GABRA3: variants seen among roughly 807,000 people sequenced by gnomAD.
GABRA3 encodes gamma-aminobutyric acid type A receptor subunit alpha3, also known as gamma-aminobutyric acid receptor subunit alpha-3.
A neutral mutation model predicts 30.1 loss-of-function variants in GABRA3; 10 were observed. The observed-to-expected ratio is 0.33, with a 90% CI of 0.20 to 0.56. GABRA3 has a LOEUF of 0.56. Ranked by LOEUF, GABRA3 falls within the 20% of genes least tolerant of loss-of-function variation. The pLI, the probability that GABRA3 is intolerant of heterozygous loss-of-function variation, is 0.89. For missense variants in GABRA3, 233 were observed against 392.0 expected (o/e 0.59, Z 3.42); for synonymous variants, 151 against 146.8 (o/e 1.03, Z -0.21).
intron 9 of GABRA3, among the ~76,000 whole-genome samples, chrX:152,180,088 T>A (rs943620757): frequency 9.0e-6 from 1 of 111,577 alleles, no homozygotes; most frequent in Non-Finnish European, 1.9e-5. Context: ...AGTAGTGGGG[T>A]CGATCAACCA....
At chrX:152,286,007 A>G (rs1939286174) in intron 3 of GABRA3, among the ~76,000 whole-genome samples, 2 of 106,039 alleles carry the variant, frequency 1.9e-5, no homozygotes, top group Admixed American at 2.1e-4. Context: ...AGACAAAAAC[A>G]TCCAGAACAG....
At chrX:152,305,052 C>CTTA (rs1473816532) in intron 3 of GABRA3, among the ~76,000 whole-genome samples, 1 of 110,986 alleles carries the variant, frequency 9.0e-6, no homozygotes, top group African/African-American at 3.3e-5. Context: ...TTTATTTTTT[C>CTTA]TTATTTTCTT....
At chrX:152,433,013 G>A (rs1031961134) in intron 1 of GABRA3, among the ~76,000 whole-genome samples, 2 of 110,695 alleles carry the variant, frequency 1.8e-5, no homozygotes, top group African/African-American at 6.5e-5. Context: ...TTTTAAAATA[G>A]ATTAACATAT....
Position 152,229,675 on chromosome X carries a change from T to C in GABRA3, c.552-4830A>G, listed in dbSNP as rs187463977. On this transcript the variant is annotated intron_variant, in intron 5 of 9. Transcript: ENST00000370314. ...TTGTAGAGATCAAGGGGAAGAGTAA[T>C]AGAAGATGAGTTCAAAGAGGAAGCT... Among the ~76,000 whole-genome samples, 99 of 109,779 alleles carry C rather than the reference T, an allele frequency of 9.0e-4. 1 individual carries two copies. In the East Asian group the frequency reaches 0.026, roughly 29 times the overall value.
At chrX:152,428,726 A>G (rs1383651559) in intron 1 of GABRA3, among the ~76,000 whole-genome samples, 1 of 111,592 alleles carries the variant, frequency 9.0e-6, no homozygotes, top group African/African-American at 3.3e-5. Context: ...TCTAAAATTG[A>G]GTATTTACTT....
chrX:152,296,863 C>A (rs1939538724), intron 3 of GABRA3, among the ~76,000 whole-genome samples: 1 of 109,956 alleles, frequency 9.1e-6, no homozygotes, highest in Admixed American at 9.7e-5. Context: ...CCACACCTGA[C>A]TATTTTTGTA....
chrX:152,324,426 C>A (rs1010861497), intron 3 of GABRA3, among the ~76,000 whole-genome samples: 10 of 99,838 alleles, frequency 1.0e-4, no homozygotes, highest in African/African-American at 4.2e-4. Context: ...CCACACATTT[C>A]ACATCAAAGA....
In GABRA3 at chrX:152,189,773, C is replaced by T. The variant is rs1937299622; in HGVS notation, c.1100G>A (p.Trp367Ter). The T allele has an allele frequency of 8.3e-7, 1 of 1,207,966 alleles. No homozygotes were observed. Among genetic ancestry groups the T allele is most frequent in the African/African-American group, 1.8e-5 (1 of 56,914 alleles). ...TGGCACCTTCTTGCCTTCCCAAGCC[C>T]AACTCCGCTTGGTGAAATAGTTGAC... ...ATVNYFTKRS[W>*]AWEGKKVPEA... Residue 367 changes from tryptophan to a stop codon, truncating the protein, a stop_gained, in exon 9 of 10, where the codon TGG becomes TAG. Coordinates refer to ENST00000370314, the MANE Select transcript of GABRA3 (RefSeq NM_000808.4). LOFTEE classifies it high-confidence loss of function.
chrX:152,225,181 T>C (rs1281913652), intron 5 of GABRA3, among the ~76,000 whole-genome samples: 1 of 110,438 alleles, frequency 9.1e-6, no homozygotes, highest in Admixed American at 9.8e-5. Context: ...TCACTTCTGA[T>C]TGCAGTTTAA....
intron 3 of GABRA3, among the ~76,000 whole-genome samples, chrX:152,304,581 C>G (rs1452670330): frequency 9.0e-6 from 1 of 111,489 alleles, no homozygotes; most frequent in Non-Finnish European, 1.9e-5. Flanking sequence ...CATTTTTATC[C>G]ACTTTGTTGA....
Position 152,306,414 on chromosome X carries a change from C to T in GABRA3, c.263-21679G>A, listed in dbSNP as rs113788738. The stretch of plus-strand genomic sequence containing the variant: ...TCCATTTAGTGTTTAAAATGTTGTT[C>T]TTTATAGACAATATAATAGGTATCT... On this transcript the variant is annotated intron_variant, in intron 3 of 9. Coordinates refer to ENST00000370314, the MANE Select transcript of GABRA3 (RefSeq NM_000808.4). Among the ~76,000 whole-genome samples the T allele has an allele frequency of 7.9e-3, 891 of 112,300 alleles. 11 individuals are homozygous for T. The highest frequency in any genetic ancestry group is 0.028 in the African/African-American group (856 of 30,939).
At chrX:152,259,499 G>A (rs1339709719) in intron 4 of GABRA3, among the ~76,000 whole-genome samples, 1 of 111,342 alleles carries the variant, frequency 9.0e-6, no homozygotes, top group Non-Finnish European at 1.9e-5. Flanking sequence ...GTAGAGGAGA[G>A]GGAAGAGTAG....
intron 9 of GABRA3, among the ~76,000 whole-genome samples, chrX:152,180,225 T>C (rs1937127700): frequency 8.9e-6 from 1 of 112,571 alleles, no homozygotes; most frequent in Non-Finnish European, 1.9e-5. Context: ...TTCGGTCTTT[T>C]TGATAACAGA....
intron 1 of GABRA3, among the ~76,000 whole-genome samples, chrX:152,429,177 A>G (rs1930589029): frequency 9.0e-6 from 1 of 111,298 alleles, no homozygotes; most frequent in Non-Finnish European, 1.9e-5. Context: ...AAATGCAGGG[A>G]AAAGTACAAG....
intron 4 of GABRA3, among the ~76,000 whole-genome samples, chrX:152,273,240 A>C (rs2124428430): frequency 8.9e-6 from 1 of 112,647 alleles, no homozygotes; most frequent in East Asian, 2.8e-4. Flanking sequence ...ACAACGAGAT[A>C]GCACCTCATC....
At chrX:152,346,684 T>A (rs1940397157) in intron 2 of GABRA3, among the ~76,000 whole-genome samples, 1 of 112,179 alleles carries the variant, frequency 8.9e-6, no homozygotes, top group Non-Finnish European at 1.9e-5. Context: ...GCAGAATATT[T>A]GAATAGACAT....
intron 1 of GABRA3, chrX:152,393,297 T>G: frequency 3.8e-6 from 1 of 263,480 alleles, no homozygotes; most frequent in Non-Finnish European, 7.2e-6. Flanking sequence ...ATAACATCTG[T>G]CTTTTTGGAA....
At chrX:152,375,643 T>C (rs771554956) in intron 1 of GABRA3, among the ~76,000 whole-genome samples, 1 of 112,054 alleles carries the variant, frequency 8.9e-6, no homozygotes, top group Non-Finnish European at 1.9e-5. Context: ...TGTATTTGTC[T>C]AGAAACCCTA....
chrX:152,356,478 A>G (rs1185705276), intron 2 of GABRA3, among the ~76,000 whole-genome samples: 2 of 112,047 alleles, frequency 1.8e-5, no homozygotes, highest in Non-Finnish European at 3.8e-5. Flanking sequence ...TACCACAACT[A>G]TCAGCAAAAA....
Sources: allele counts gnomAD v4.1 joint callset (sites outside exome capture counted in the v4.1 genomes callset), GRCh38; gene constraint gnomAD v4.1.1; transcripts MANE v1.5; gene names NCBI Gene and HGNC (gene_info 2026-07-23, HGNC 2026-07-21).